Variants in ESRRB observed in about 807,000 individuals in gnomAD.
The protein encoded by ESRRB is estrogen related receptor beta.
ESRRB carries 16 observed loss-of-function variants against 46.0 expected under a neutral mutation model. That is an observed-to-expected ratio of 0.35 (90% CI 0.24 to 0.53). The LOEUF (loss-of-function observed/expected upper bound fraction) is 0.53, where lower values mean the gene tolerates loss of function less well. Ranked by LOEUF, ESRRB falls within the 20% of genes least tolerant of loss-of-function variation. The pLI, the probability that ESRRB is intolerant of heterozygous loss-of-function variation, is 0.93. For synonymous variants in ESRRB, 246 were observed against 259.6 expected, an observed-to-expected ratio of 0.95 and a Z score of 0.50; for missense variants, 488 against 607.4, an observed-to-expected ratio of 0.80 and a Z score of 2.07.
chr14:76,401,396 C>A (rs1885937241), intron 1 of ESRRB, among the ~76,000 whole-genome samples: 1 of 152,202 alleles, frequency 6.6e-6, no homozygotes, highest in Non-Finnish European at 1.5e-5. Context: ...CGATTCTGAC[C>A]TTCAGCTGCA....
In ESRRB at chr14:76,500,295, C is replaced by T. The variant is rs778637609; in HGVS notation, c.*1837C>T. The T allele has an allele frequency of 3.4e-6, 2 of 595,604 alleles. No individual in the cohort carries two copies. The highest frequency in any genetic ancestry group is 5.9e-6 in the Non-Finnish European group (2 of 336,324). The allele number at this position is 595,604 out of a possible 1,614,324, so 36.9% of individuals were successfully genotyped here. ...AGACCAGTGATGTGTCCCTCCGGCT[C>T]CCCTTGCCTGTGGGGAATCGGGTCT... On this transcript the variant is annotated 3_prime_UTR_variant, in exon 7 of 7. Transcript: ENST00000644823.
intron 1 of ESRRB, among the ~76,000 whole-genome samples, chr14:76,381,658 C>G (rs1007587627): frequency 6.6e-6 from 1 of 152,162 alleles, no homozygotes; most frequent in Non-Finnish European, 1.5e-5. Flanking sequence ...ATCTGGTGCT[C>G]CTGGGCTCAG....
chr14:76,434,088 A>T (rs1400404170), intron 1 of ESRRB, among the ~76,000 whole-genome samples: 2 of 151,634 alleles, frequency 1.3e-5, no homozygotes, highest in East Asian at 3.9e-4. Context: ...CCTCCCCAGT[A>T]GCTGGGATTA....
chr14:76,425,667 C>T (rs556476892), intron 1 of ESRRB, among the ~76,000 whole-genome samples: 3 of 152,326 alleles, frequency 2.0e-5, no homozygotes, highest in African/African-American at 7.2e-5. Context: ...GCAGCTCTAT[C>T]TGGACACTCC....
upstream of ESRRB, among the ~76,000 whole-genome samples, chr14:76,368,114 G>A (rs1015076214): frequency 4.1e-5 from 6 of 146,104 alleles, no homozygotes; most frequent in South Asian, 2.2e-4. Flanking sequence ...CACCATGCCC[G>A]GCTAATTTTT....
chr14:76,456,345 T>C (rs1888613035), intron 2 of ESRRB, among the ~76,000 whole-genome samples: 1 of 152,172 alleles, frequency 6.6e-6, no homozygotes, highest in Admixed American at 6.5e-5. Flanking sequence ...CCATGTGCCA[T>C]GATGGGCCAG....
chr14:76,330,207 T>C (rs1330803163), intron 1 of ESRRB, among the ~76,000 whole-genome samples: 3 of 152,088 alleles, frequency 2.0e-5, no homozygotes, highest in Non-Finnish European at 1.5e-5. Context: ...GCGTTTACCC[T>C]CTGGGGCCCA....
At chr14:76,467,009 T>C (rs4318141) in intron 3 of ESRRB, among the ~76,000 whole-genome samples, 26,260 of 151,630 alleles carry the variant, frequency 0.17, 4,089 homozygotes, top group African/African-American at 0.42. Flanking sequence ...CGTGAGCCAC[T>C]GCCCCCAGCT....
chr14:76,400,863 C>T (rs144527304), intron 1 of ESRRB, among the ~76,000 whole-genome samples: 2 of 152,346 alleles, frequency 1.3e-5, no homozygotes, highest in African/African-American at 4.8e-5. Flanking sequence ...CTCTTCTGCT[C>T]TGTGCAGAGG....
Position 76,399,336 on chromosome 14 carries a change from C to G in ESRRB, c.50+22885C>G, listed in dbSNP as rs118012402. 1.5e-3 allele frequency among the ~76,000 whole-genome samples: 225 copies of G among 152,228 alleles called. 1 individual carries two copies. Among genetic ancestry groups the G allele is most frequent in the Non-Finnish European group, 2.8e-3 (190 of 68,018 alleles). ...GACAAGCCACTTAGCCTCTGAACCTCTATGTTCTCATCTGCCTGATGAGGA... is the reference window on the plus strand; with the variant it reads ...GACAAGCCACTTAGCCTCTGAACCTGTATGTTCTCATCTGCCTGATGAGGA... On this transcript the variant is annotated intron_variant, in intron 1 of 6. Transcript: ENST00000644823.
rs934960425 is a variant in ESRRB at position 76,433,993 on chromosome 14, C to T, written c.51-5348C>T. On this transcript the variant is annotated intron_variant, in intron 1 of 6. Transcript: ENST00000644823. ...TTTTTTTTTTTTTGAGACGGGGTCT[C>T]TGTCACCCAGGCTGGAGTGCAGTGG... 3.3e-4 allele frequency among the ~76,000 whole-genome samples: 46 copies of T among 138,854 alleles called. 1 individual carries two copies. The East Asian group carries it at 9.1e-3, about 28-fold the overall frequency. 91.1% of individuals were successfully genotyped at this position (138,854 alleles called of 152,430 possible).
In ESRRB at chr14:76,500,995, T is replaced by G. The variant is rs1890639766; in HGVS notation, c.*2537T>G. On this transcript the variant is annotated 3_prime_UTR_variant, in exon 7 of 7. Transcript: ENST00000644823. Reference sequence around the variant, plus strand: ...TCAGAAAAGAAGTTCAGGGGCCAACTTCTTAGCTGGAATCCTGGCCAGATG... The same window carrying G: ...TCAGAAAAGAAGTTCAGGGGCCAACGTCTTAGCTGGAATCCTGGCCAGATG... The G allele has an allele frequency of 1.9e-6, 1 of 533,900 alleles. No homozygotes were observed. Among genetic ancestry groups the G allele is most frequent in the Non-Finnish European group, 3.4e-6 (1 of 296,926 alleles). The allele number at this position is 533,900 out of a possible 1,614,324, so 33.1% of individuals were successfully genotyped here.
intron 1 of ESRRB, among the ~76,000 whole-genome samples, chr14:76,330,567 C>T (rs1461765002): frequency 6.6e-6 from 1 of 152,130 alleles, no homozygotes; most frequent in Non-Finnish European, 1.5e-5. Context: ...AGTAAGAGGT[C>T]GGGACCCCTC....
chr14:76,354,464 G>C (rs1387377339), intron 1 of ESRRB, among the ~76,000 whole-genome samples: 2 of 152,052 alleles, frequency 1.3e-5, no homozygotes, highest in Non-Finnish European at 2.9e-5. Flanking sequence ...CACTCTGAAG[G>C]GGGAGGACAA....
chr14:76,439,377 G>A lies in ESRRB; in HGVS notation c.87G>A (p.Leu29=). ...GGATGTCCTCGGACGACAGGCACCT[G>A]GGCTCCAGCTGCGGCTCCTTCATCA... ...LNRMSSDDRH[L]GSSCGSFIKT... is the part of the protein sequence containing the mutation. The change falls in exon 2 of 7, where the codon CTG becomes CTA. Residue 29 remains leucine (L), a synonymous_variant. Transcript: ENST00000644823. 1 of 1,613,716 alleles carries A rather than the reference G, an allele frequency of 6.2e-7. No individual in the cohort carries two copies. Among genetic ancestry groups the A allele is most frequent in the Non-Finnish European group, 8.5e-7 (1 of 1,180,054 alleles).
chr14:76,363,789 A>T (rs952995930), intron 1 of ESRRB, among the ~76,000 whole-genome samples: 18 of 152,196 alleles, frequency 1.2e-4, no homozygotes, highest in African/African-American at 4.1e-4. Context: ...CCCTTTCTTT[A>T]GTGACAGCAT....
In ESRRB at chr14:76,498,453, G is replaced by A; in HGVS notation, c.1360G>A (p.Val454Met). Reference protein sequence around the residue: ...KLFLEMLEAKV With the variant: ...KLFLEMLEAKM ...CTTCCTGGAGATGCTGGAGGCCAAG[G>A]TGTGATGGCCCCGCACACGGACCAA... is the stretch of plus-strand genomic sequence containing the variant. Residue 454 changes from valine to methionine, a missense_variant, in exon 7 of 7, where the codon GTG becomes ATG. By Grantham distance (21) the Val-to-Met change is conservative. Transcript: ENST00000644823. 2 of 1,613,310 alleles carry A rather than the reference G, an allele frequency of 1.2e-6. No individual in the cohort carries two copies. The highest frequency in any genetic ancestry group is 1.7e-6 in the Non-Finnish European group (2 of 1,180,014).
At chr14:76,386,130 T>C (rs1363069052) in intron 1 of ESRRB, among the ~76,000 whole-genome samples, 1 of 152,188 alleles carries the variant, frequency 6.6e-6, no homozygotes. Flanking sequence ...ATGGCTCGCG[T>C]GTCAATATGT....
intron 1 of ESRRB, among the ~76,000 whole-genome samples, chr14:76,422,293 C>T (rs981264545): frequency 2.0e-5 from 3 of 150,132 alleles, no homozygotes; most frequent in Non-Finnish European, 4.4e-5. Flanking sequence ...TCACTGCAAC[C>T]TCCGCCTCCC....
Sources: gnomAD v4.1 joint callset for allele counts (sites outside exome capture counted in the v4.1 genomes callset) on GRCh38, gnomAD v4.1.1 for gene constraint, MANE v1.5 for transcripts, NCBI Gene and HGNC (gene_info 2026-07-23, HGNC 2026-07-21) for gene names.